The following ABCF3 variants were observed in gnomAD, a reference collection of about 807,000 sequenced individuals.
ABCF3 encodes ATP binding cassette subfamily F member 3, also known as ATP-binding cassette sub-family F member 3.
Under a neutral mutation model 94.3 loss-of-function variants are expected in ABCF3, and 62 were observed. The observed-to-expected ratio is 0.66, with a 90% CI of 0.54 to 0.81. ABCF3 has a LOEUF of 0.81. Among genes scored for constraint, ABCF3 ranks in the 40% least tolerant of loss-of-function variants. The pLI is 0.00. For synonymous variants in ABCF3, 355 were observed against 361.1 expected (o/e 0.98, Z 0.19); for missense variants, 843 against 925.3 (o/e 0.91, Z 1.15).
chr3:184,188,856 C>G lies in ABCF3; in HGVS notation c.917+15C>G, dbSNP rs373441180. 1.2e-6 allele frequency: 2 copies of G among 1,614,000 alleles called. No homozygotes were observed. The highest frequency in any genetic ancestry group is 1.7e-6 in the Non-Finnish European group (2 of 1,179,942). On this transcript the variant is annotated intron_variant, in intron 8 of 20. Coordinates refer to ENST00000429586, the MANE Select transcript of ABCF3 (RefSeq NM_018358.3). The stretch of plus-strand genomic sequence containing the variant: ...GCACCTGCCAGGTATTTAAAGCTCC[C>G]CCTCCCTCCTTCAGATTTCCTTTCC...
Position 184,186,832 on chromosome 3 carries a change from A to T in ABCF3, c.258A>T (p.Leu86=). ...EPQSQGNSQV[L]LDAPIQLSKI... Reference sequence around the variant, plus strand: ...AAAGCCAGGGAAATAGCCAGGTGCTACTGGACGCCCCTATCCAGTTGTCAA... The same window carrying T: ...AAAGCCAGGGAAATAGCCAGGTGCTTCTGGACGCCCCTATCCAGTTGTCAA... The change falls in exon 3 of 21, where the codon CTA becomes CTT. Residue 86 remains leucine, a synonymous_variant. Coordinates refer to ENST00000429586, the MANE Select transcript of ABCF3 (RefSeq NM_018358.3). 1 of 1,613,722 alleles carries T rather than the reference A, an allele frequency of 6.2e-7. No homozygotes were observed. Among genetic ancestry groups the T allele is most frequent in the African/African-American group, 1.3e-5 (1 of 75,046 alleles).
chr3:184,189,881 T>TGCCAACAGGGCC lies in ABCF3; in HGVS notation c.1342_1353dup (p.Ala448_Ala451dup). 6.2e-7 allele frequency: 1 copy of TGCCAACAGGGCC among 1,614,224 alleles called. No individual in the cohort carries two copies. The highest frequency in any genetic ancestry group is 8.5e-7 in the Non-Finnish European group (1 of 1,180,050). ...TTTTCATTGACCGGTTTCGCTACAA[T>TGCCAACAGGGCC]GCCAACAGGGCCTCTCAAGTGCAGA... is the stretch of plus-strand genomic sequence containing the variant. On this transcript the variant is annotated inframe_insertion, in exon 14 of 21. Coordinates refer to ENST00000429586, the MANE Select transcript of ABCF3 (RefSeq NM_018358.3).
intron 3 of ABCF3, 29 bp downstream of exon 3, chr3:184,186,904 G>T: frequency 6.3e-7 from 1 of 1,596,624 alleles, no homozygotes; most frequent in South Asian, 1.1e-5. Context: ...TGAACTAACT[G>T]CCCCCCTGTG....
rs773724236 is a variant in ABCF3, at chr3:184,186,695, G to A, written c.221+41G>A. The A allele has an allele frequency of 2.5e-6, 4 of 1,590,942 alleles. No individual in the cohort carries two copies. In the South Asian group the frequency reaches 3.4e-5, roughly 13 times the overall value. On this transcript the variant is annotated intron_variant, in intron 2 of 20. Transcript: ENST00000429586. ...TAGGGGTTGATGGGGGCGAAGGGAC[G>A]GCGAACGGTCCGGAGACAAGAGGTG...
chr3:184,186,953 G>GAT, intron 3 of ABCF3, 78 bp downstream of exon 3: 1 of 1,412,872 alleles, frequency 7.1e-7, no homozygotes, highest in Non-Finnish European at 9.7e-7. Context: ...CTGCAGCTTA[G>GAT]GGCTCCTACG....
rs1381929155 is a variant in ABCF3, at chr3:184,189,079, A to G, written c.978-9A>G. 1 of 1,614,122 alleles carries G rather than the reference A, an allele frequency of 6.2e-7. No individual in the cohort carries two copies. The highest frequency in any genetic ancestry group is 2.2e-5 in the East Asian group (1 of 44,872). On this transcript the variant is annotated splice_polypyrimidine_tract_variant and intron_variant, in intron 9 of 20. Transcript: ENST00000429586. Reference sequence around the variant, plus strand: ...CACCCACCCATAATGTGACTCCATCATTCTTTAGGGAGTTCTCAGGTGGCT... The same window carrying G: ...CACCCACCCATAATGTGACTCCATCGTTCTTTAGGGAGTTCTCAGGTGGCT...
rs748689264 is a variant in ABCF3 at position 184,186,199 on chromosome 3, G to C, written c.-9G>C. On this transcript the variant is annotated 5_prime_UTR_variant, in exon 1 of 21. Transcript: ENST00000429586. ...ACAGCGACTGCGCGGACGGGTTCCT[G>C]AGTGGAACATGGCGACTTGCGCCGA... The C allele has an allele frequency of 5.0e-6, 8 of 1,613,994 alleles. No homozygotes were observed. The highest frequency in any genetic ancestry group is 1.7e-5 in the Admixed American group (1 of 60,012).
rs780933877 is a variant in ABCF3 at position 184,189,438 on chromosome 3, C to A, written c.1108C>A (p.Leu370Met). Reference sequence around the variant, plus strand: ...GGCCATCCTGTGGCTGGAGAATTACCTGCAGGTGAGTGCCTGTGGGTGCTG... The same window carrying A: ...GGCCATCCTGTGGCTGGAGAATTACATGCAGGTGAGTGCCTGTGGGTGCTG... ...VRAILWLENY[L>M]QTWPSTILVV... is the part of the protein sequence containing the mutation. The change falls in exon 12 of 21, where the codon CTG becomes ATG. Residue 370 changes from leucine (L) to methionine (M), a missense_variant. Transcript: ENST00000429586. 6.2e-7 allele frequency: 1 copy of A among 1,614,122 alleles called. No individual in the cohort carries two copies. Among genetic ancestry groups the A allele is most frequent in the Non-Finnish European group, 8.5e-7 (1 of 1,180,020 alleles).
chr3:184,190,981 C>T lies in ABCF3; in HGVS notation c.1392-18C>T, dbSNP rs562515861. On this transcript the variant is annotated intron_variant, in intron 14 of 20. Coordinates refer to ENST00000429586, the MANE Select transcript of ABCF3 (RefSeq NM_018358.3). ...TTTTTTAAGTAATAAATCTAGTCTACCTCATCTCTTCTCCCAGGCCTGAGC... is the reference window on the plus strand; with the variant it reads ...TTTTTTAAGTAATAAATCTAGTCTATCTCATCTCTTCTCCCAGGCCTGAGC... 1.2e-6 allele frequency: 2 copies of T among 1,613,776 alleles called. No individual in the cohort carries two copies. Among genetic ancestry groups the T allele is most frequent in the East Asian group, 4.5e-5 (2 of 44,880 alleles).
At chr3:184,188,583 T>C in intron 7 of ABCF3, 176 bp downstream of exon 7, 1 of 1,049,908 alleles carries the variant, frequency 9.5e-7, no homozygotes, top group Admixed American at 2.8e-5. Context: ...CCTTTCTTGT[T>C]CTTTCCACAG....
rs755854994 is a variant in ABCF3 at position 184,186,840 on chromosome 3, C to T, written c.266C>T (p.Ala89Val). ...GGAAATAGCCAGGTGCTACTGGACG[C>T]CCCTATCCAGTTGTCAAAGATAACG... Reference protein sequence around the residue: ...SQGNSQVLLDAPIQLSKITEN... With the variant: ...SQGNSQVLLDVPIQLSKITEN... Residue 89 changes from alanine to valine, a missense_variant, in exon 3 of 21, where the codon GCC (alanine) becomes GTC (valine). Physicochemically the swap from Ala to Val is moderately conservative, Grantham distance 64. Transcript: ENST00000429586. 1 of 1,613,900 alleles carries T rather than the reference C, an allele frequency of 6.2e-7. No individual in the cohort carries two copies. The highest frequency in any genetic ancestry group is 1.7e-5 in the Admixed American group (1 of 59,980).
Position 184,190,828 on chromosome 3 carries a change from G to C in ABCF3, c.1392-171G>C, listed in dbSNP as rs1309839253. 3 of 766,218 alleles carry C rather than the reference G, an allele frequency of 3.9e-6. No individual in the cohort carries two copies. In the African/African-American group the frequency reaches 5.3e-5, roughly 13 times the overall value. 47.5% of individuals were successfully genotyped at this position (766,218 alleles called of 1,614,324 possible). A position where few individuals can be genotyped will look rare whatever the true frequency, so the allele number is the denominator to read the frequency against. On this transcript the variant is annotated intron_variant, in intron 14 of 20. Transcript: ENST00000429586. ...AACTGGGGATAAAAAGTCACAAAAA[G>C]CCTAATTCTATTTTTTAGCATACAG... is the stretch of plus-strand genomic sequence containing the variant.
intron 14 of ABCF3, 137 bp downstream of exon 14, chr3:184,190,068 G>T: frequency 1.1e-6 from 1 of 899,474 alleles, no homozygotes; most frequent in South Asian, 1.5e-5. Flanking sequence ...CTGCTGGGAA[G>T]CAGAGTATTC....
rs559862768 is a variant in ABCF3 at position 184,192,453 on chromosome 3, T to A, written c.1570-148T>A. 1.5e-4 allele frequency: 110 copies of A among 751,400 alleles called. No homozygotes were observed. The African/African-American group carries it at 1.8e-3, about 12-fold the overall frequency. The allele number at this position is 751,400 out of a possible 1,614,324, so 46.5% of individuals were successfully genotyped here. ...CGAACCCCTCTCTCAATTCCCCTCC[T>A]CCCCCCTTATCCTTCCCAGCCTCTA... On this transcript the variant is annotated intron_variant, in intron 16 of 20. Transcript: ENST00000429586.
In ABCF3 at chr3:184,193,433, G is replaced by T; in HGVS notation, c.1952G>T (p.Arg651Leu). Residue 651 changes from arginine to leucine, a missense_variant, in exon 20 of 21, where the codon CGT (arginine) becomes CTT (leucine). Arg to Leu is a moderately radical substitution (Grantham distance 102). Transcript: ENST00000429586. This position sits in a 1 kb window ranked among gnomAD's most constrained non-coding sequence, Gnocchi z 5.2. ...LDMETIEALGRALNNFRGGVI... is the reference protein window; with the variant it reads ...LDMETIEALGLALNNFRGGVI... ...ATGGAGACCATTGAGGCTCTGGGCC[G>T]TGCCCTCAACAATTTCAGGGTGAGT... 1.9e-6 allele frequency: 3 copies of T among 1,614,118 alleles called. No individual in the cohort carries two copies. The highest frequency in any genetic ancestry group is 1.7e-6 in the Non-Finnish European group (2 of 1,180,034).
rs1358155973 is a variant in ABCF3 at position 184,187,811 on chromosome 3, G to A, written c.446+50G>A. 3 of 1,614,132 alleles carry A rather than the reference G, an allele frequency of 1.9e-6. No individual in the cohort carries two copies. The South Asian group carries it at 3.3e-5, about 18-fold the overall frequency. On this transcript the variant is annotated intron_variant, in intron 5 of 20. Coordinates refer to ENST00000429586, the MANE Select transcript of ABCF3 (RefSeq NM_018358.3). ...AAGAGAGCAGAGCAGCTTTTGCCTG[G>A]ACAGAAGGTGGTGGGGAGCACTAAG...
chr3:184,190,744 G>A (rs1715966775), intron 14 of ABCF3: 1 of 446,660 alleles, frequency 2.2e-6, no homozygotes, highest in South Asian at 2.6e-5. Context: ...AGTGCTGGCA[G>A]GAAGCTTAAA....
In ABCF3 at chr3:184,193,802, GA is replaced by G; in HGVS notation, c.*105del. 1.5e-6 allele frequency: 2 copies of G among 1,332,084 alleles called. No homozygotes were observed. The highest frequency in any genetic ancestry group is 3.0e-5 in the South Asian group (2 of 65,908). 82.5% of individuals were successfully genotyped at this position (1,332,084 alleles called of 1,614,324 possible). A position where few individuals can be genotyped will look rare whatever the true frequency, so the allele number is the denominator to read the frequency against. ...GGCCGTGGACTTCCCCCAACTTGGG[GA>G]CAGCCTTATTCCCAAATGTCTCTAT... On this transcript the variant is annotated 3_prime_UTR_variant, in exon 21 of 21. Coordinates refer to ENST00000429586, the MANE Select transcript of ABCF3 (RefSeq NM_018358.3). The surrounding 1 kb of genome is among the most constrained non-coding windows in gnomAD (Gnocchi z 5.2).
Position 184,193,887 on chromosome 3 carries a change from A to C in ABCF3, c.*189A>C. Reference sequence around the variant, plus strand: ...GGAGCCCATCCAAGGGTTGGTGAGGACTGGTCTCCCGGGGGTGGGGGTCTG... The same window carrying C: ...GGAGCCCATCCAAGGGTTGGTGAGGCCTGGTCTCCCGGGGGTGGGGGTCTG... On this transcript the variant is annotated 3_prime_UTR_variant, in exon 21 of 21. Coordinates refer to ENST00000429586, the MANE Select transcript of ABCF3 (RefSeq NM_018358.3). The surrounding 1 kb of genome is among the most constrained non-coding windows in gnomAD (Gnocchi z 5.2). 1.3e-6 allele frequency: 1 copy of C among 753,366 alleles called. No individual in the cohort carries two copies. The highest frequency in any genetic ancestry group is 2.0e-6 in the Non-Finnish European group (1 of 488,794). The allele number at this position is 753,366 out of a possible 1,614,324, so 46.7% of individuals were successfully genotyped here. A position where few individuals can be genotyped will look rare whatever the true frequency, so the allele number is the denominator to read the frequency against.
Sources: gnomAD v4.1 joint callset for allele counts on GRCh38, gnomAD v4.1.1 for gene constraint, Gnocchi (gnomAD v3.1) non-coding constraint, MANE v1.5 for transcripts, NCBI Gene and HGNC (gene_info 2026-07-23, HGNC 2026-07-21) for gene names.